The following ACSS3 variants were observed in gnomAD, a reference collection of about 807,000 sequenced individuals.
ACSS3 encodes acyl-CoA synthetase short-chain family member 3, mitochondrial.
A neutral mutation model predicts 84.2 loss-of-function variants in ACSS3; 64 were observed. That is an observed-to-expected ratio of 0.76 (90% CI 0.62 to 0.94). The LOEUF (loss-of-function observed/expected upper bound fraction) is 0.94, where lower values mean the gene tolerates loss of function less well. ACSS3 is among the 40% of genes least tolerant of loss of function. The pLI, the probability that ACSS3 is intolerant of heterozygous loss-of-function variation, is 0.00. For synonymous variants in ACSS3, 317 were observed against 310.1 expected, an observed-to-expected ratio of 1.02 and a Z score of -0.23; for missense variants, 815 against 867.6, an observed-to-expected ratio of 0.94 and a Z score of 0.76.
chr12:81,169,572 T>A (rs1328700259), intron 7 of ACSS3, among the ~76,000 whole-genome samples: 1 of 152,212 alleles, frequency 6.6e-6, no homozygotes, highest in Non-Finnish European at 1.5e-5. Flanking sequence ...GTTGTCAATC[T>A]TATATGTTAT....
intron 9 of ACSS3, among the ~76,000 whole-genome samples, chr12:81,208,619 A>G (rs1274242463): frequency 6.6e-6 from 1 of 152,166 alleles, no homozygotes; most frequent in East Asian, 1.9e-4. Context: ...TGCTCCAGTT[A>G]GCAACTGAAG....
intron 2 of ACSS3, among the ~76,000 whole-genome samples, chr12:81,116,521 C>T (rs1229374024): frequency 1.3e-5 from 2 of 152,076 alleles, no homozygotes; most frequent in Non-Finnish European, 2.9e-5. Context: ...TTTCACTCCC[C>T]TCCATACCAG....
intron 8 of ACSS3, among the ~76,000 whole-genome samples, chr12:81,185,382 A>G (rs559485940): frequency 6.6e-6 from 1 of 151,814 alleles, no homozygotes; most frequent in Non-Finnish European, 1.5e-5. Flanking sequence ...AAATGTATCT[A>G]ATTGAAAAAG....
At chr12:81,205,185 G>C (rs944846375) in intron 9 of ACSS3, among the ~76,000 whole-genome samples, 3 of 152,038 alleles carry the variant, frequency 2.0e-5, no homozygotes, top group African/African-American at 7.2e-5. Context: ...GGACCCAAAG[G>C]CTCCTCCAAA....
chr12:81,227,030 A>G (rs2033297036), intron 11 of ACSS3, among the ~76,000 whole-genome samples: 1 of 150,512 alleles, frequency 6.6e-6, no homozygotes, highest in Non-Finnish European at 1.5e-5. Flanking sequence ...GAGAGGGAGA[A>G]ATATTTGTTT....
Position 81,259,400 on chromosome 12 carries a change from G to A in ACSS3, c.*4478G>A. On this transcript the variant is annotated 3_prime_UTR_variant, in exon 16 of 16. Transcript: ENST00000548058. ...TACAATAAAACATGAAAAACAACTG[G>A]CTTCATTTCATAAAAGCATCTGTTG... The A allele has an allele frequency of 4.7e-6, 3 of 644,278 alleles. No individual in the cohort carries two copies. Among genetic ancestry groups the A allele is most frequent in the Non-Finnish European group, 8.5e-6 (3 of 354,804 alleles). 39.9% of individuals were successfully genotyped at this position (644,278 alleles called of 1,614,324 possible). A position where few individuals can be genotyped will look rare whatever the true frequency, so the allele number is the denominator to read the frequency against.
At chr12:81,186,645 A>G (rs904134260) in intron 8 of ACSS3, among the ~76,000 whole-genome samples, 2 of 151,914 alleles carry the variant, frequency 1.3e-5, no homozygotes, top group African/African-American at 2.4e-5. Flanking sequence ...AATGCAAATG[A>G]AAACCACTAT....
intron 5 of ACSS3, among the ~76,000 whole-genome samples, chr12:81,144,953 T>G (rs1449093157): frequency 6.4e-5 from 9 of 140,338 alleles, no homozygotes; most frequent in Non-Finnish European, 1.5e-5. Context: ...CAGGCTGGAG[T>G]GCAGTGGCGC....
chr12:81,251,430 C>T (rs1291270064), intron 13 of ACSS3, among the ~76,000 whole-genome samples: 1 of 152,006 alleles, frequency 6.6e-6, no homozygotes, highest in Non-Finnish European at 1.5e-5. Flanking sequence ...ATGTATTGCT[C>T]TGGTACAAAC....
intron 7 of ACSS3, among the ~76,000 whole-genome samples, chr12:81,161,262 C>CA (rs1887132140): frequency 6.6e-6 from 1 of 152,136 alleles, no homozygotes; most frequent in South Asian, 2.1e-4. Context: ...AATCAGCATA[C>CA]AGGGATGTGT....
chr12:81,246,643 C>T (rs1238764952), intron 13 of ACSS3, among the ~76,000 whole-genome samples: 1 of 152,110 alleles, frequency 6.6e-6, no homozygotes, highest in Non-Finnish European at 1.5e-5. Flanking sequence ...ATATAAGTTA[C>T]TTCATTTTTT....
At chr12:81,101,478 T>C (rs1439189539) in intron 1 of ACSS3, among the ~76,000 whole-genome samples, 1 of 152,082 alleles carries the variant, frequency 6.6e-6, no homozygotes, top group Non-Finnish European at 1.5e-5. Context: ...TTCTTAAGCA[T>C]TTTTCCATAC....
rs191047394 is a variant in ACSS3 at position 81,169,299 on chromosome 12, G to A, written c.1099-5489G>A. ...ATAAGTAAATTTTCAATTATTAAAGGAGCGTCTGCCATAACACAAAGTCCT... is the reference window on the plus strand; with the variant it reads ...ATAAGTAAATTTTCAATTATTAAAGAAGCGTCTGCCATAACACAAAGTCCT... On this transcript the variant is annotated intron_variant, in intron 7 of 15. Transcript: ENST00000548058. 3.9e-5 allele frequency among the ~76,000 whole-genome samples: 6 copies of A among 152,242 alleles called. No individual in the cohort carries two copies. The East Asian group carries it at 1.2e-3, about 29-fold the overall frequency.
intron 1 of ACSS3, among the ~76,000 whole-genome samples, chr12:81,097,455 C>A (rs2121385420): frequency 6.6e-6 from 1 of 152,302 alleles, no homozygotes; most frequent in East Asian, 1.9e-4. Flanking sequence ...TATTCGTTTT[C>A]CTTACTCTTT....
chr12:81,220,327 T>TTATGG lies in ACSS3; in HGVS notation c.1514+255_1514+256insGTATG, dbSNP rs1467448559. Among the ~76,000 whole-genome samples, 22 of 152,000 alleles carry TTATGG rather than the reference T, an allele frequency of 1.4e-4. 1 individual carries two copies. Among genetic ancestry groups the TTATGG allele is most frequent in the Admixed American group, 1.4e-3 (22 of 15,244 alleles). The stretch of plus-strand genomic sequence containing the variant: ...AATAACTTTTTTTTCATTTTACAGG[T>TTATGG]TATGTATAGATGATAAAGTTAACTT... On this transcript the variant is annotated intron_variant, in intron 11 of 15. Transcript: ENST00000548058.
chr12:81,233,693 A>G (rs939626792), intron 13 of ACSS3, among the ~76,000 whole-genome samples: 3 of 151,632 alleles, frequency 2.0e-5, no homozygotes. Flanking sequence ...AAACACTTAC[A>G]TATATTTTTT....
chr12:81,255,974 A>C lies in ACSS3; in HGVS notation c.*1052A>C, dbSNP rs544989094. The C allele has an allele frequency of 6.6e-6, 1 of 152,246 alleles. No homozygotes were observed. The highest frequency in any genetic ancestry group is 2.4e-5 in the African/African-American group (1 of 41,550). 9.4% of individuals were successfully genotyped at this position (152,246 alleles called of 1,614,324 possible). ...TGTGGAAACAAGGAATCGATGTACA[A>C]ATGGGGTAGGGTGGCAAGGAAAACT... On this transcript the variant is annotated 3_prime_UTR_variant, in exon 16 of 16. Coordinates refer to ENST00000548058, the MANE Select transcript of ACSS3 (RefSeq NM_024560.4).
rs149275816 is a variant in ACSS3, at chr12:81,230,448, T to C, written c.1515-609T>C. ...GAGGAAATTTGCTGAAAACAAAAGA[T>C]ACATAGTTCTGTATATTTTCTACGC... On this transcript the variant is annotated intron_variant, in intron 11 of 15. Coordinates refer to ENST00000548058, the MANE Select transcript of ACSS3 (RefSeq NM_024560.4). Among the ~76,000 whole-genome samples the C allele has an allele frequency of 2.0e-5, 3 of 151,958 alleles. No homozygotes were observed. The East Asian group carries it at 5.9e-4, about 30-fold the overall frequency.
chr12:81,191,442 G>A (rs117172586), intron 8 of ACSS3, among the ~76,000 whole-genome samples: 3,905 of 151,914 alleles, frequency 0.026, 83 homozygotes, highest in Non-Finnish European at 0.041. Context: ...GGTTTTGCTC[G>A]TCTCATAAAA....
Sources: allele counts gnomAD v4.1 joint callset (sites outside exome capture counted in the v4.1 genomes callset), GRCh38; gene constraint gnomAD v4.1.1; transcripts MANE v1.5; gene names NCBI Gene and HGNC (gene_info 2026-07-23, HGNC 2026-07-21).